NCKAP5: variants seen among roughly 807,000 people sequenced by gnomAD.
NCKAP5 encodes the protein NCK associated protein 5, also known as nck-associated protein 5.
In NCKAP5, 92 loss-of-function variants were observed where a neutral mutation model predicts 167.0. The observed-to-expected ratio is 0.55, with a 90% CI of 0.47 to 0.66. The LOEUF is 0.66. NCKAP5 is among the 30% of genes least tolerant of loss of function. The pLI, the probability that NCKAP5 is intolerant of heterozygous loss-of-function variation, is 0.00. For synonymous variants in NCKAP5, 891 were observed against 877.4 expected (o/e 1.02, Z -0.27); for missense variants, 2,378 against 2,315.0 (o/e 1.03, Z -0.56).
At chr2:133,458,183 G>A (rs1217807637) in intron 3 of NCKAP5, among the ~76,000 whole-genome samples, 1 of 152,194 alleles carries the variant, frequency 6.6e-6, no homozygotes, top group Non-Finnish European at 1.5e-5. Flanking sequence ...ACTAGGTACT[G>A]ACAGGCTACC....
intron 3 of NCKAP5, among the ~76,000 whole-genome samples, chr2:133,368,374 G>C (rs912329497): frequency 6.6e-6 from 1 of 152,114 alleles, no homozygotes; most frequent in Non-Finnish European, 1.5e-5. Context: ...TAATTTCAGG[G>C]AGTGTAAATT....
intron 5 of NCKAP5, among the ~76,000 whole-genome samples, chr2:133,143,421 G>A (rs1417943959): frequency 6.6e-6 from 1 of 152,104 alleles, no homozygotes; most frequent in African/African-American, 2.4e-5. Flanking sequence ...GTATTGACAG[G>A]TATTGAATAA....
At chr2:133,620,760 G>T in the NCKAP5 span, among the ~76,000 whole-genome samples, 1 of 152,030 alleles carries the variant, frequency 6.6e-6, no homozygotes, top group Non-Finnish European at 1.5e-5. Flanking sequence ...CTATACCTTA[G>T]AACAAATGAA....
intron 6 of NCKAP5, among the ~76,000 whole-genome samples, chr2:133,034,272 T>A (rs1235220907): frequency 6.6e-6 from 1 of 152,114 alleles, no homozygotes; most frequent in Non-Finnish European, 1.5e-5. Flanking sequence ...ATTGAAAATA[T>A]CCTTCAAACA....
At chr2:133,526,185 A>G (rs1684860123) in intron 2 of NCKAP5, among the ~76,000 whole-genome samples, 1 of 123,516 alleles carries the variant, frequency 8.1e-6, no homozygotes, top group African/African-American at 3.5e-5. Flanking sequence ...GGAAGGAAGG[A>G]AGGAAGGAAG....
intron 3 of NCKAP5, among the ~76,000 whole-genome samples, chr2:133,482,182 T>C (rs952411192): frequency 6.6e-6 from 1 of 152,118 alleles, no homozygotes; most frequent in South Asian, 2.1e-4. Flanking sequence ...GTGAATAGTA[T>C]TACATTGTGT....
chr2:133,132,481 GCA>G (rs373384379), intron 5 of NCKAP5, among the ~76,000 whole-genome samples: 3,323 of 129,856 alleles, frequency 0.026, 96 homozygotes, highest in African/African-American at 0.073. Flanking sequence ...GAAAAAAAAA[GCA>G]CACACACACA....
At chr2:133,432,936 T>C (rs965016574) in intron 3 of NCKAP5, among the ~76,000 whole-genome samples, 1 of 152,214 alleles carries the variant, frequency 6.6e-6, no homozygotes, top group African/African-American at 2.4e-5. Context: ...ATCTTTATTT[T>C]TGTGATCTCT....
At chr2:132,728,290 T>C (rs1574009727) in intron 18 of NCKAP5, among the ~76,000 whole-genome samples, 1 of 150,756 alleles carries the variant, frequency 6.6e-6, no homozygotes, top group East Asian at 1.9e-4. Context: ...CCATCAGGAG[T>C]TCCGTGTGTG....
At chr2:133,466,660 T>C (rs1037799915) in intron 3 of NCKAP5, among the ~76,000 whole-genome samples, 2 of 152,194 alleles carry the variant, frequency 1.3e-5, no homozygotes, top group Non-Finnish European at 2.9e-5. Flanking sequence ...TGTTCTTCCG[T>C]TTGTTTGTAT....
chr2:133,547,565 T>C (rs1363408543), intron 2 of NCKAP5, among the ~76,000 whole-genome samples: 3 of 151,714 alleles, frequency 2.0e-5, no homozygotes, highest in Non-Finnish European at 2.9e-5. Context: ...AGTGGGTCCC[T>C]GACCCCTGAC....
At chr2:132,835,274 C>G (rs1171465036) in intron 11 of NCKAP5, among the ~76,000 whole-genome samples, 2 of 152,064 alleles carry the variant, frequency 1.3e-5, no homozygotes, top group Non-Finnish European at 2.9e-5. Context: ...CTATAGTTCT[C>G]TCTTTTTTTG....
intron 4 of NCKAP5, among the ~76,000 whole-genome samples, chr2:133,255,968 G>C (rs1396676096): frequency 6.6e-6 from 1 of 152,016 alleles, no homozygotes; most frequent in Non-Finnish European, 1.5e-5. Flanking sequence ...TTTTCCAAAG[G>C]CCCCAAGTCT....
chr2:133,166,818 G>T (rs1044078320), intron 5 of NCKAP5, among the ~76,000 whole-genome samples: 1 of 152,084 alleles, frequency 6.6e-6, no homozygotes, highest in Non-Finnish European at 1.5e-5. Context: ...GGTTTTAGGG[G>T]GCTGACATTT....
chr2:132,698,725 TCAGGAGGCTGAGG>T (rs1230442022), intron 19 of NCKAP5, among the ~76,000 whole-genome samples: 1 of 152,054 alleles, frequency 6.6e-6, no homozygotes, highest in African/African-American at 2.4e-5. Context: ...TCCCAACTAC[TCAGGAGGCTGAGG>T]CAGGAGAATC....
At chr2:132,810,709 T>C (rs1685797823) in intron 11 of NCKAP5, among the ~76,000 whole-genome samples, 1 of 152,188 alleles carries the variant, frequency 6.6e-6, no homozygotes, top group African/African-American at 2.4e-5. Flanking sequence ...GCAGTGGACT[T>C]CGCCTTCTCT....
intron 19 of NCKAP5, among the ~76,000 whole-genome samples, chr2:132,723,624 A>G (rs1455110868): frequency 3.3e-5 from 5 of 152,234 alleles, no homozygotes; most frequent in Non-Finnish European, 7.3e-5. Flanking sequence ...CTGGAGCACA[A>G]ATTAAATTTT....
At position 132,922,446 on chromosome 2, in the gene NCKAP5, A is replaced by G. The variant is rs76086992; in HGVS notation, c.579+41274T>C. Among the ~76,000 whole-genome samples, 28 of 152,314 alleles carry G rather than the reference A, an allele frequency of 1.8e-4. No individual in the cohort carries two copies. In the East Asian group the frequency reaches 5.4e-3, roughly 29 times the overall value. On this transcript the variant is annotated intron_variant, in intron 8 of 19. Coordinates refer to ENST00000409261, the MANE Select transcript of NCKAP5 (RefSeq NM_207363.3). ...ATGCAATTCCTCTCCCCTGCTTAAA[A>G]TACTTTAATGAGACCCCAAAGGTTT...
intron 8 of NCKAP5, among the ~76,000 whole-genome samples, chr2:132,925,561 CAA>C (rs575777951): frequency 4.2e-3 from 223 of 53,576 alleles, no homozygotes; most frequent in African/African-American, 9.2e-3. Flanking sequence ...GACTCCGTCT[CAA>C]AAAAAAAAAA....
Sources: gnomAD v4.1 joint callset for allele counts (sites outside exome capture counted in the v4.1 genomes callset) on GRCh38, gnomAD v4.1.1 for gene constraint, MANE v1.5 for transcripts, NCBI Gene and HGNC (gene_info 2026-07-23, HGNC 2026-07-21) for gene names.